PRDM16: variants seen among roughly 807,000 people sequenced by gnomAD.
PRDM16 encodes histone-lysine N-methyltransferase PRDM16.
A neutral mutation model predicts 110.6 loss-of-function variants in PRDM16; 23 were observed. That is an observed-to-expected ratio of 0.21 (90% confidence interval 0.15 to 0.29). PRDM16 has a LOEUF of 0.29. Among genes scored for constraint, PRDM16 ranks in the 10% least tolerant of loss-of-function variants. The pLI, the probability that PRDM16 is intolerant of heterozygous loss-of-function variation, is 1.00. For missense variants in PRDM16, 1,615 were observed against 1,794.3 expected, an observed-to-expected ratio of 0.90 and a Z score of 1.81; for synonymous variants, 799 against 781.8, an observed-to-expected ratio of 1.02 and a Z score of -0.37.
chr1:3,377,539 AT>A (rs914956295), intron 3 of PRDM16, among the ~76,000 whole-genome samples: 5 of 152,168 alleles, frequency 3.3e-5, no homozygotes, highest in African/African-American at 1.2e-4. Context: ...GATGGGGTTG[AT>A]TTATGAGCTG....
intron 3 of PRDM16, among the ~76,000 whole-genome samples, chr1:3,293,939 C>T (rs1001422258): frequency 1.3e-5 from 2 of 152,118 alleles, no homozygotes; most frequent in Admixed American, 6.5e-5. Context: ...TGTGTGAGTG[C>T]GTGCGTGTTG....
intron 1 of PRDM16, among the ~76,000 whole-genome samples, chr1:3,171,740 G>A (rs1346443856): frequency 6.6e-6 from 1 of 152,122 alleles, no homozygotes; most frequent in Admixed American, 6.5e-5. Flanking sequence ...AGGACCCCAG[G>A]ACTCCAGAAC....
rs375093265 is a variant in PRDM16, at chr1:3,354,355, G to A, written c.439-30797G>A. Reference sequence around the variant, plus strand: ...CGTGTCTGTAATCTCAGCTACTCAGGAGGCTGAGGCAGGAGAATCGCTTGA... The same window carrying A: ...CGTGTCTGTAATCTCAGCTACTCAGAAGGCTGAGGCAGGAGAATCGCTTGA... On this transcript the variant is annotated intron_variant, in intron 3 of 16. Coordinates refer to ENST00000270722, the MANE Select transcript of PRDM16 (RefSeq NM_022114.4). Among the ~76,000 whole-genome samples the A allele has an allele frequency of 4.6e-5, 7 of 151,794 alleles. No homozygotes were observed. In the South Asian group the frequency reaches 8.3e-4, roughly 18 times the overall value.
At chr1:3,369,350 C>T (rs1158656281) in intron 3 of PRDM16, among the ~76,000 whole-genome samples, 1 of 152,178 alleles carries the variant, frequency 6.6e-6, no homozygotes, top group Non-Finnish European at 1.5e-5. Context: ...AAGCAGAGTT[C>T]ACGTCCAAGG....
intron 3 of PRDM16, among the ~76,000 whole-genome samples, chr1:3,274,047 G>A (rs1640528111): frequency 6.6e-6 from 1 of 150,390 alleles, no homozygotes; most frequent in Non-Finnish European, 1.5e-5. Flanking sequence ...GGTGAATTAG[G>A]ATCCAAATTT....
intron 1 of PRDM16, among the ~76,000 whole-genome samples, chr1:3,183,371 C>T (rs1644232548): frequency 6.6e-6 from 1 of 152,234 alleles, no homozygotes; most frequent in Non-Finnish European, 1.5e-5. Context: ...CTGTGCCTGG[C>T]CTGCTGGAGC....
intron 1 of PRDM16, among the ~76,000 whole-genome samples, chr1:3,147,061 C>T (rs1460872515): frequency 9.5e-6 from 1 of 105,090 alleles, no homozygotes; most frequent in African/African-American, 4.2e-5. Flanking sequence ...CGTGTGTGCT[C>T]AGTGTGGGGT....
chr1:3,260,664 G>A (rs923975228), intron 3 of PRDM16, among the ~76,000 whole-genome samples: 3 of 149,010 alleles, frequency 2.0e-5, no homozygotes, highest in Admixed American at 6.7e-5. Flanking sequence ...TGAAGGAAAT[G>A]ATGATCATAG....
At chr1:3,231,174 A>G (rs940205731) in intron 2 of PRDM16, among the ~76,000 whole-genome samples, 8 of 151,902 alleles carry the variant, frequency 5.3e-5, no homozygotes, top group African/African-American at 1.9e-4. Flanking sequence ...GTTTTTGTTT[A>G]TTTTTACAAC....
intron 1 of PRDM16, among the ~76,000 whole-genome samples, chr1:3,179,042 A>G (rs1055826819): frequency 2.6e-5 from 4 of 152,124 alleles, no homozygotes; most frequent in Non-Finnish European, 5.9e-5. Flanking sequence ...TGCACCTTTC[A>G]CGGGCCTTGA....
intron 3 of PRDM16, among the ~76,000 whole-genome samples, chr1:3,303,150 C>T (rs1365356427): frequency 6.6e-6 from 1 of 152,072 alleles, no homozygotes; most frequent in Non-Finnish European, 1.5e-5. Context: ...GAGTGGCACA[C>T]CACACCACTG....
Position 3,244,820 on chromosome 1 carries a change from C to G in PRDM16, c.438+683C>G, listed in dbSNP as rs956902621. On this transcript the variant is annotated intron_variant, in intron 3 of 16. Transcript: ENST00000270722. The surrounding 1 kb of genome is among the most constrained non-coding windows in gnomAD (Gnocchi z 4.1). ...GGAGGAGGAATGGCCTGGAAAGCAG[C>G]TCCGAAACCTAGAACCTGTTCAGCA... Among the ~76,000 whole-genome samples, 2 of 152,162 alleles carry G rather than the reference C, an allele frequency of 1.3e-5. No individual in the cohort carries two copies. The highest frequency in any genetic ancestry group is 4.8e-5 in the African/African-American group (2 of 41,428).
intron 2 of PRDM16, among the ~76,000 whole-genome samples, chr1:3,227,327 C>T (rs58781987): frequency 0.043 from 6,625 of 152,342 alleles, 447 homozygotes; most frequent in African/African-American, 0.14. Flanking sequence ...TTTGGCCAAG[C>T]GATTAGGGAC....
chr1:3,323,115 C>T (rs1214861836), intron 3 of PRDM16, among the ~76,000 whole-genome samples: 4 of 152,164 alleles, frequency 2.6e-5, no homozygotes, highest in South Asian at 2.1e-4. Flanking sequence ...GCACTTGGTG[C>T]GGGAAGCCAT....
At chr1:3,192,240 G>T (rs763918802) in intron 2 of PRDM16, among the ~76,000 whole-genome samples, 1 of 152,180 alleles carries the variant, frequency 6.6e-6, no homozygotes, top group South Asian at 2.1e-4. Flanking sequence ...CATCCGTGTC[G>T]CCAGCTCATC....
At chr1:3,138,208 C>T (rs1446142988) in intron 1 of PRDM16, among the ~76,000 whole-genome samples, 1 of 152,236 alleles carries the variant, frequency 6.6e-6, no homozygotes, top group Non-Finnish European at 1.5e-5. Flanking sequence ...GGAGAGGCCG[C>T]ATCCCTCCCA....
At chr1:3,395,505 C>T (rs1253747173) in intron 4 of PRDM16, among the ~76,000 whole-genome samples, 1 of 152,208 alleles carries the variant, frequency 6.6e-6, no homozygotes, top group Non-Finnish European at 1.5e-5. Flanking sequence ...TCCCTGGAAG[C>T]TCCCCAGTTA....
At chr1:3,379,977 C>T (rs1291586045) in intron 3 of PRDM16, among the ~76,000 whole-genome samples, 1 of 101,868 alleles carries the variant, frequency 9.8e-6, no homozygotes, top group African/African-American at 4.5e-5. Context: ...TCCCAACACA[C>T]TCATCCCAAC....
intron 2 of PRDM16, among the ~76,000 whole-genome samples, chr1:3,229,404 C>A (rs1002852328): frequency 6.8e-6 from 1 of 148,118 alleles, no homozygotes; most frequent in Non-Finnish European, 1.5e-5. Context: ...AGCACATTCA[C>A]CCCCATGCCC....
Sources: gnomAD v4.1 joint callset for allele counts (sites outside exome capture counted in the v4.1 genomes callset) on GRCh38, gnomAD v4.1.1 for gene constraint, Gnocchi (gnomAD v3.1) non-coding constraint, MANE v1.5 for transcripts, NCBI Gene and HGNC (gene_info 2026-07-23, HGNC 2026-07-21) for gene names.